Variants in ADAM9 observed in about 807,000 individuals in gnomAD.
ADAM9 encodes disintegrin and metalloproteinase domain-containing protein 9.
In ADAM9, 54 loss-of-function variants were observed where a neutral mutation model predicts 108.1. The ratio of observed to expected loss-of-function variants is 0.50; its 90% CI spans 0.40 to 0.63. The LOEUF (loss-of-function observed/expected upper bound fraction) is 0.63, where lower values mean the gene tolerates loss of function less well. Among genes scored for constraint, ADAM9 ranks in the 20% least tolerant of loss-of-function variants. The probability of loss-of-function intolerance (pLI) is 0.00; values close to 1 mark genes in which losing one functional copy is unlikely to be tolerated. For missense variants in ADAM9, 830 were observed against 997.7 expected (o/e 0.83, Z 2.26); for synonymous variants, 316 against 336.0 (o/e 0.94, Z 0.65).
At chr8:39,101,513 C>T (rs1346487489) in intron 20 of ADAM9, among the ~76,000 whole-genome samples, 2 of 152,172 alleles carry the variant, frequency 1.3e-5, no homozygotes, top group Non-Finnish European at 2.9e-5. Flanking sequence ...AGAGTAACAC[C>T]TTTGCTTTCT....
intron 1 of ADAM9, among the ~76,000 whole-genome samples, chr8:38,998,767 C>CG (rs1247269653): frequency 1.3e-5 from 2 of 151,542 alleles, no homozygotes; most frequent in East Asian, 1.9e-4. Context: ...TATGGTGGGG[C>CG]GGGGGGCGTA....
At chr8:39,090,741 C>T (rs1274638971) in intron 19 of ADAM9, among the ~76,000 whole-genome samples, 1 of 152,242 alleles carries the variant, frequency 6.6e-6, no homozygotes, top group African/African-American at 2.4e-5. Flanking sequence ...ATACTTCCAA[C>T]TGACCAGTCT....
intron 12 of ADAM9, among the ~76,000 whole-genome samples, chr8:39,049,415 G>A (rs1837880085): frequency 6.7e-6 from 1 of 149,560 alleles, no homozygotes; most frequent in Non-Finnish European, 1.5e-5. Context: ...TATTAATATT[G>A]TGTATCTTCC....
At chr8:39,005,228 A>G (rs1052325442) in intron 1 of ADAM9, among the ~76,000 whole-genome samples, 5 of 152,170 alleles carry the variant, frequency 3.3e-5, no homozygotes, top group Non-Finnish European at 7.4e-5. Flanking sequence ...TATCCGGGGT[A>G]GAGAGGAGCT....
intron 14 of ADAM9, among the ~76,000 whole-genome samples, chr8:39,061,251 C>G (rs1838289562): frequency 6.6e-6 from 1 of 152,208 alleles, no homozygotes; most frequent in East Asian, 1.9e-4. Context: ...TAATAACCAT[C>G]ACTCCACAGG....
chr8:39,009,763 GTATT>G (rs1367415802), intron 2 of ADAM9, among the ~76,000 whole-genome samples: 3 of 152,106 alleles, frequency 2.0e-5, no homozygotes, highest in East Asian at 1.9e-4. Context: ...TCGTTAAAAA[GTATT>G]TATTGAGTTA....
chr8:39,002,844 C>CT (rs35651123), intron 1 of ADAM9, among the ~76,000 whole-genome samples: 6 of 150,916 alleles, frequency 4.0e-5, no homozygotes, highest in Non-Finnish European at 8.9e-5. Flanking sequence ...TTCTCTTTTT[C>CT]TTTTTTTTTA....
At chr8:39,066,673 T>G (rs1838488205) in intron 14 of ADAM9, among the ~76,000 whole-genome samples, 2 of 152,368 alleles carry the variant, frequency 1.3e-5, no homozygotes, top group South Asian at 4.1e-4. Context: ...ATGAGTAGAT[T>G]GCAAAAATTT....
At chr8:39,018,621 C>T (rs192752224) in intron 6 of ADAM9, 2 of 545,514 alleles carry the variant, frequency 3.7e-6, no homozygotes, top group Non-Finnish European at 3.3e-6. Flanking sequence ...TTTTTCCCCT[C>T]AGACATAGTT....
At chr8:39,079,224 G>T (rs1335103673) in intron 16 of ADAM9, among the ~76,000 whole-genome samples, 2 of 152,188 alleles carry the variant, frequency 1.3e-5, no homozygotes, top group Non-Finnish European at 2.9e-5. Flanking sequence ...TGCCACCTCA[G>T]CTTACTACTA....
At position 39,018,851 on chromosome 8, in the gene ADAM9, A is replaced by T. The variant is rs751698128; in HGVS notation, c.607-2A>T. ...CCTTTATGATGTTTGTGTTTTTGAC[A>T]GAGAAGAAGAGCTGTCTTGCCACAG... On this transcript the variant is annotated splice_acceptor_variant, in intron 6 of 21. Transcript: ENST00000487273. LOFTEE classifies it high-confidence loss of function. 1 of 1,614,036 alleles carries T rather than the reference A, an allele frequency of 6.2e-7. No homozygotes were observed. Among genetic ancestry groups the T allele is most frequent in the South Asian group, 1.1e-5 (1 of 91,082 alleles).
chr8:39,066,679 A>G (rs780824811), intron 14 of ADAM9, among the ~76,000 whole-genome samples: 2 of 152,232 alleles, frequency 1.3e-5, no homozygotes, highest in Middle Eastern at 6.8e-3. Flanking sequence ...AGATTGCAAA[A>G]ATTTTCTCTC....
intron 16 of ADAM9, among the ~76,000 whole-genome samples, chr8:39,077,856 G>A (rs1182793404): frequency 1.3e-5 from 2 of 152,192 alleles, no homozygotes; most frequent in Non-Finnish European, 2.9e-5. Flanking sequence ...GGTTTCATAT[G>A]AGAAGATGCC....
At position 39,045,206 on chromosome 8, in the gene ADAM9, A is replaced by G. The variant is rs13279881; in HGVS notation, c.1302+3089A>G. 2.1e-4 allele frequency among the ~76,000 whole-genome samples: 20 copies of G among 94,558 alleles called. 1 individual carries two copies. In the East Asian group the frequency reaches 2.3e-3, roughly 11 times the overall value. The allele number at this position is 94,558 out of a possible 152,430, so 62.0% of individuals were successfully genotyped here. ...TGTATACATACATATATGTGTATAT[A>G]TGTGTATACATACATATATGTGTAT... On this transcript the variant is annotated intron_variant, in intron 12 of 21. Coordinates refer to ENST00000487273, the MANE Select transcript of ADAM9 (RefSeq NM_003816.3).
intron 9 of ADAM9, 106 bp from the exon 10 acceptor site, chr8:39,025,694 TGCC>T: frequency 3.0e-6 from 3 of 1,015,408 alleles, no homozygotes; most frequent in Non-Finnish European, 4.5e-6. Flanking sequence ...GCCATTTTCC[TGCC>T]ATGTTTTGTA....
chr8:39,045,546 GTGTGTGTGTATA>G (rs1157418014), intron 12 of ADAM9, among the ~76,000 whole-genome samples: 1 of 108,268 alleles, frequency 9.2e-6, no homozygotes, highest in African/African-American at 3.7e-5. Context: ...GTGTATATAT[GTGTGTGTGTATA>G]TGTGTGTGTG....
chr8:39,028,868 AAAC>A (rs1267488910), intron 11 of ADAM9, among the ~76,000 whole-genome samples: 1 of 152,176 alleles, frequency 6.6e-6, no homozygotes, highest in Non-Finnish European at 1.5e-5. Context: ...GAGGGTGGTG[AAAC>A]AACAGAACAG....
intron 11 of ADAM9, among the ~76,000 whole-genome samples, chr8:39,039,756 T>C (rs957883372): frequency 2.6e-5 from 4 of 152,234 alleles, no homozygotes; most frequent in African/African-American, 9.6e-5. Flanking sequence ...TTACCAGTCT[T>C]ATATGTGCCA....
intron 18 of ADAM9, among the ~76,000 whole-genome samples, chr8:39,089,597 G>C (rs1009290466): frequency 2.0e-5 from 3 of 152,178 alleles, no homozygotes; most frequent in Admixed American, 6.5e-5. Flanking sequence ...AGTAGCAAAA[G>C]ATTGGAAAAA....
Sources: gnomAD v4.1 joint callset for allele counts (sites outside exome capture counted in the v4.1 genomes callset) on GRCh38, gnomAD v4.1.1 for gene constraint, MANE v1.5 for transcripts, NCBI Gene and HGNC (gene_info 2026-07-23, HGNC 2026-07-21) for gene names.